SH3BGRL: variants seen among roughly 807,000 people sequenced by gnomAD.
The protein encoded by SH3BGRL is SH3 domain binding glutamate rich protein like.
Under a neutral mutation model 9.8 loss-of-function variants are expected in SH3BGRL, and 7 were observed. The ratio of observed to expected loss-of-function variants is 0.72; its 90% CI spans 0.41 to 1.35. The LOEUF is 1.35. Ranked by LOEUF, SH3BGRL falls within the 40% of genes most tolerant of loss-of-function variation. The pLI, the probability that SH3BGRL is intolerant of heterozygous loss-of-function variation, is 0.01. For synonymous variants in SH3BGRL, 36 were observed against 29.1 expected (o/e 1.24, Z -0.76); for missense variants, 73 against 84.4 (o/e 0.86, Z 0.53).
intron 1 of SH3BGRL, among the ~76,000 whole-genome samples, chrX:81,226,186 C>A (rs890098234): frequency 9.9e-5 from 11 of 110,660 alleles, no homozygotes; most frequent in African/African-American, 3.6e-4. Flanking sequence ...AAATGTGGTT[C>A]TTTCTAACAT....
chrX:81,204,591 T>TAA (rs369363488), intron 1 of SH3BGRL, among the ~76,000 whole-genome samples: 22 of 104,096 alleles, frequency 2.1e-4, no homozygotes, highest in African/African-American at 7.6e-4. Flanking sequence ...TGGTTGTCAT[T>TAA]AAAAAAAAAA....
At chrX:81,276,862 G>A in intron 1 of SH3BGRL, 122 bp from the exon 2 acceptor site, 1 of 579,286 alleles carries the variant, frequency 1.7e-6, no homozygotes, top group Non-Finnish European at 2.7e-6. Context: ...AATAAAGAGT[G>A]AAAATCATAT....
At chrX:81,258,843 G>A (rs757875727) in intron 1 of SH3BGRL, among the ~76,000 whole-genome samples, 2 of 112,343 alleles carry the variant, frequency 1.8e-5, no homozygotes, top group African/African-American at 3.2e-5. Context: ...ATTTCCTTGT[G>A]TACAGGGACA....
At chrX:81,270,549 G>A (rs2075774832) in intron 1 of SH3BGRL, among the ~76,000 whole-genome samples, 1 of 112,145 alleles carries the variant, frequency 8.9e-6, no homozygotes, top group Non-Finnish European at 1.9e-5. Flanking sequence ...CATATCACCA[G>A]TGGAGGCTGC....
At chrX:81,265,774 G>T (rs1301117131) in intron 1 of SH3BGRL, among the ~76,000 whole-genome samples, 1 of 111,943 alleles carries the variant, frequency 8.9e-6, no homozygotes, top group Non-Finnish European at 1.9e-5. Flanking sequence ...GATCCTTAAG[G>T]AATCACCACA....
At chrX:81,206,742 GT>G (rs1268282866) in intron 1 of SH3BGRL, among the ~76,000 whole-genome samples, 1 of 112,011 alleles carries the variant, frequency 8.9e-6, no homozygotes, top group African/African-American at 3.2e-5. Flanking sequence ...ATGTCTGTAA[GT>G]AGGGTAAGTG....
chrX:81,235,142 C>T (rs1372757), intron 1 of SH3BGRL, among the ~76,000 whole-genome samples: 22,811 of 109,998 alleles, frequency 0.21, 1,940 homozygotes, highest in East Asian at 0.68. Flanking sequence ...GTTATATGCT[C>T]CACACTGTGC....
chrX:81,213,034 C>T (rs752227173), intron 1 of SH3BGRL, among the ~76,000 whole-genome samples: 5 of 111,749 alleles, frequency 4.5e-5, no homozygotes, highest in South Asian at 3.7e-4. Context: ...ATAAAACTAG[C>T]GATAGAGTGC....
chrX:81,259,412 A>G (rs901691686), intron 1 of SH3BGRL, among the ~76,000 whole-genome samples: 6 of 112,035 alleles, frequency 5.4e-5, no homozygotes, highest in African/African-American at 1.9e-4. Context: ...TTGATTCTCT[A>G]GATTCTTGAA....
At chrX:81,247,949 G>T (rs868595917) in intron 1 of SH3BGRL, among the ~76,000 whole-genome samples, 1 of 103,187 alleles carries the variant, frequency 9.7e-6, no homozygotes, top group African/African-American at 3.5e-5. Flanking sequence ...TTGGTTGGAA[G>T]TTTTTTTTTT....
At chrX:81,223,704 CT>C (rs891170039) in intron 1 of SH3BGRL, among the ~76,000 whole-genome samples, 4 of 108,463 alleles carry the variant, frequency 3.7e-5, no homozygotes, top group East Asian at 2.9e-4. Flanking sequence ...GTGTTTTAAA[CT>C]TTTTTTTTTC....
intron 1 of SH3BGRL, among the ~76,000 whole-genome samples, chrX:81,228,573 G>A (rs189094963): frequency 1.4e-3 from 158 of 111,140 alleles, no homozygotes; most frequent in African/African-American, 5.1e-3. Flanking sequence ...ATTTTAAAAG[G>A]GAGGAAGGTA....
chrX:81,282,000 A>C lies in SH3BGRL; in HGVS notation c.312+3589A>C, dbSNP rs144153099. Among the ~76,000 whole-genome samples, 536 of 112,001 alleles carry C rather than the reference A, an allele frequency of 4.8e-3. 2 individuals carry two copies. In the South Asian group the frequency reaches 0.056, roughly 12 times the overall value. On this transcript the variant is annotated intron_variant, in intron 3 of 3. Transcript: ENST00000373212. ...AGGGGTGGAAAAAGGTATTTCATGC[A>C]TATGGACACCAAATGAGAGTGGGGC...
chrX:81,288,598 G>A (rs2075845641), intron 3 of SH3BGRL, among the ~76,000 whole-genome samples: 1 of 112,280 alleles, frequency 8.9e-6, no homozygotes, highest in African/African-American at 3.2e-5. Flanking sequence ...GTTGCAGGAT[G>A]CAAAATCAAC....
rs2075883388 is a variant in SH3BGRL, at chrX:81,298,547, A to G, written c.*1320A>G. On this transcript the variant is annotated 3_prime_UTR_variant, in exon 4 of 4. Transcript: ENST00000373212. ...TAAACTCAGTACTTTTAGAAACATA[A>G]CTTATGTGTTCTTGGAGTTTATATA... 9.0e-6 allele frequency: 1 copy of G among 111,655 alleles called. No individual in the cohort carries two copies. The highest frequency in any genetic ancestry group is 3.7e-4 in the South Asian group (1 of 2,734). The allele number at this position is 111,655 out of a possible 1,213,427, so 9.2% of individuals were successfully genotyped here.
chrX:81,244,883 A>G (rs1000613358), intron 1 of SH3BGRL, among the ~76,000 whole-genome samples: 4 of 111,631 alleles, frequency 3.6e-5, no homozygotes, highest in African/African-American at 1.3e-4. Context: ...GTCCAGAAAC[A>G]GAGGTCATTT....
intron 1 of SH3BGRL, among the ~76,000 whole-genome samples, chrX:81,263,782 GA>G (rs2075748097): frequency 1.8e-5 from 2 of 111,046 alleles, no homozygotes; most frequent in South Asian, 7.7e-4. Context: ...TGTGTAATAA[GA>G]AAAATAAAAA....
intron 3 of SH3BGRL, among the ~76,000 whole-genome samples, chrX:81,282,926 A>G (rs1335588401): frequency 1.8e-5 from 2 of 112,500 alleles, no homozygotes; most frequent in Non-Finnish European, 3.8e-5. Flanking sequence ...CATTAGCAAG[A>G]TTAACCAAGA....
chrX:81,285,859 G>A (rs183893207), intron 3 of SH3BGRL, among the ~76,000 whole-genome samples: 2 of 111,368 alleles, frequency 1.8e-5, no homozygotes, highest in African/African-American at 6.5e-5. Context: ...AAAATGTATG[G>A]ATAGGACAAA....
Sources: gnomAD v4.1 joint callset for allele counts (sites outside exome capture counted in the v4.1 genomes callset) on GRCh38, gnomAD v4.1.1 for gene constraint, MANE v1.5 for transcripts, NCBI Gene and HGNC (gene_info 2026-07-23, HGNC 2026-07-21) for gene names.